Variants in KCNQ3 observed in about 807,000 individuals in gnomAD.
KCNQ3 encodes the protein potassium voltage-gated channel subfamily Q member 3.
KCNQ3 carries 30 observed loss-of-function variants against 92.5 expected under a neutral mutation model. That is an observed-to-expected ratio of 0.32 (90% CI 0.24 to 0.44). The LOEUF (loss-of-function observed/expected upper bound fraction) is 0.44. Among genes scored for constraint, KCNQ3 ranks in the 20% least tolerant of loss-of-function variants. KCNQ3 has a pLI of 1.00. For missense variants in KCNQ3, 913 were observed against 1,140.3 expected (o/e 0.80, Z 2.87); for synonymous variants, 450 against 468.8 (o/e 0.96, Z 0.52).
chr8:132,432,761 T>C (rs1252340617), intron 1 of KCNQ3, among the ~76,000 whole-genome samples: 4 of 152,182 alleles, frequency 2.6e-5, no homozygotes, highest in African/African-American at 7.2e-5. Flanking sequence ...CCAAGCAATA[T>C]TGCAATCCTT....
intron 1 of KCNQ3, among the ~76,000 whole-genome samples, chr8:132,396,951 T>C (rs921539847): frequency 8.0e-5 from 12 of 150,738 alleles, no homozygotes; most frequent in African/African-American, 2.9e-4. Context: ...TGTGTGTGCG[T>C]GTGTGTGTGT....
At chr8:132,344,110 G>T (rs1351179801) in intron 1 of KCNQ3, among the ~76,000 whole-genome samples, 2 of 152,124 alleles carry the variant, frequency 1.3e-5, no homozygotes, top group Admixed American at 6.5e-5. Context: ...GCATATTATG[G>T]GAGATATCTA....
intron 14 of KCNQ3, among the ~76,000 whole-genome samples, chr8:132,131,698 C>T (rs373263398): frequency 3.9e-5 from 6 of 152,264 alleles, no homozygotes; most frequent in Non-Finnish European, 5.9e-5. Context: ...TTAACTTGCA[C>T]GTGATCACTC....
intron 1 of KCNQ3, among the ~76,000 whole-genome samples, chr8:132,442,309 C>G (rs1374857610): frequency 1.3e-5 from 2 of 152,184 alleles, no homozygotes; most frequent in Admixed American, 6.5e-5. Flanking sequence ...CCACTCTGAG[C>G]TGTCCCAGGA....
At position 132,124,978 on chromosome 8, in the gene KCNQ3, A is replaced by AAGTAG. The variant is rs1406774555; in HGVS notation, c.*4279_*4283dup. On this transcript the variant is annotated 3_prime_UTR_variant, in exon 15 of 15. Coordinates refer to ENST00000388996, the MANE Select transcript of KCNQ3 (RefSeq NM_004519.4). ...GAGAATTTGATCTGCAGGTTCCCAT[A>AAGTAG]AGTAGAGTAACATCTTTCTCTTGAA... is the stretch of plus-strand genomic sequence containing the variant. 1.3e-5 allele frequency: 2 copies of AAGTAG among 152,228 alleles called. No individual in the cohort carries two copies. The highest frequency in any genetic ancestry group is 2.9e-5 in the Non-Finnish European group (2 of 68,050). The allele number at this position is 152,228 out of a possible 1,614,324, so 9.4% of individuals were successfully genotyped here.
intron 6 of KCNQ3, among the ~76,000 whole-genome samples, chr8:132,173,535 T>C (rs1586799228): frequency 6.6e-6 from 1 of 152,146 alleles, no homozygotes; most frequent in Admixed American, 6.5e-5. Flanking sequence ...CTTGTGGCTG[T>C]AGAAAATTTA....
At chr8:132,296,888 C>A (rs1387172124) in intron 1 of KCNQ3, among the ~76,000 whole-genome samples, 2 of 151,896 alleles carry the variant, frequency 1.3e-5, no homozygotes, top group Non-Finnish European at 2.9e-5. Flanking sequence ...GATTTATAAT[C>A]CTTTGGGTAT....
At chr8:132,386,703 C>T (rs187595710) in intron 1 of KCNQ3, among the ~76,000 whole-genome samples, 59 of 152,162 alleles carry the variant, frequency 3.9e-4, no homozygotes, top group Middle Eastern at 6.9e-3. Flanking sequence ...GATCAATTGC[C>T]AACTGGTCAT....
At chr8:132,197,876 T>C (rs940936340) in intron 1 of KCNQ3, among the ~76,000 whole-genome samples, 1 of 152,240 alleles carries the variant, frequency 6.6e-6, no homozygotes, top group African/African-American at 2.4e-5. Flanking sequence ...GTACCTGCCA[T>C]GTTTCCCTCA....
intron 1 of KCNQ3, among the ~76,000 whole-genome samples, chr8:132,311,065 T>C (rs1817579488): frequency 6.6e-6 from 1 of 152,048 alleles, no homozygotes; most frequent in African/African-American, 2.4e-5. Flanking sequence ...GCCTCCCCAG[T>C]AGCTGGGATT....
At chr8:132,176,832 G>A (rs796973392) in intron 4 of KCNQ3, among the ~76,000 whole-genome samples, 16 of 152,310 alleles carry the variant, frequency 1.1e-4, no homozygotes, top group African/African-American at 3.6e-4. Flanking sequence ...ACTTCTCCAA[G>A]CCTCCAACAT....
At chr8:132,431,573 G>A (rs78785240) in intron 1 of KCNQ3, among the ~76,000 whole-genome samples, 2,762 of 152,296 alleles carry the variant, frequency 0.018, 47 homozygotes, top group Middle Eastern at 0.034. Context: ...CTGACCCATG[G>A]AGCCTGGCTC....
In KCNQ3 at chr8:132,429,323, C is replaced by T. The variant is rs570326237; in HGVS notation, c.386+50824G>A. Among the ~76,000 whole-genome samples, 7 of 152,104 alleles carry T rather than the reference C, an allele frequency of 4.6e-5. No individual in the cohort carries two copies. The South Asian group carries it at 1.2e-3, about 27-fold the overall frequency. On this transcript the variant is annotated intron_variant, in intron 1 of 14. Coordinates refer to ENST00000388996, the MANE Select transcript of KCNQ3 (RefSeq NM_004519.4). ...CATGTGCACTGAATGAATCTCTGGG[C>T]GAGGCAGAACTGGAGGCATCAGTAG...
chr8:132,393,781 A>G (rs1005013144), intron 1 of KCNQ3, among the ~76,000 whole-genome samples: 1 of 152,334 alleles, frequency 6.6e-6, no homozygotes, highest in Admixed American at 6.5e-5. Context: ...TTCCTGGGCT[A>G]TCACCATGAG....
At chr8:132,277,857 T>A (rs1816387322) in intron 1 of KCNQ3, 1 of 762,684 alleles carries the variant, frequency 1.3e-6, no homozygotes, top group Non-Finnish European at 1.6e-6. Flanking sequence ...ACCAGGTTGT[T>A]GGAAGGTTTT....
At chr8:132,196,586 G>A (rs1011796457) in intron 1 of KCNQ3, among the ~76,000 whole-genome samples, 57 of 152,230 alleles carry the variant, frequency 3.7e-4, no homozygotes, top group Non-Finnish European at 1.8e-4. Context: ...ATTGGCTGAA[G>A]AAACTACACA....
intron 1 of KCNQ3, among the ~76,000 whole-genome samples, chr8:132,456,274 T>C (rs956493488): frequency 6.6e-6 from 1 of 152,180 alleles, no homozygotes; most frequent in Non-Finnish European, 1.5e-5. Context: ...AGCGACAAGT[T>C]GTGCAGCCTG....
chr8:132,478,386 GC>G (rs1563924903), intron 1 of KCNQ3, among the ~76,000 whole-genome samples: 1 of 152,174 alleles, frequency 6.6e-6, no homozygotes, highest in Non-Finnish European at 1.5e-5. Flanking sequence ...CGTACTGAAC[GC>G]GATGTGCATG....
intron 1 of KCNQ3, among the ~76,000 whole-genome samples, chr8:132,208,350 A>G (rs536295491): frequency 6.6e-6 from 1 of 152,090 alleles, no homozygotes; most frequent in Non-Finnish European, 1.5e-5. Flanking sequence ...GGCTGCAATT[A>G]AAAAAAACCG....
Sources: gnomAD v4.1 joint callset for allele counts (sites outside exome capture counted in the v4.1 genomes callset) on GRCh38, gnomAD v4.1.1 for gene constraint, MANE v1.5 for transcripts, NCBI Gene and HGNC (gene_info 2026-07-23, HGNC 2026-07-21) for gene names.